The following YWHAE variants were observed in gnomAD, a reference collection of about 807,000 sequenced individuals.
YWHAE encodes 14-3-3 protein epsilon.
YWHAE carries 4 observed loss-of-function variants against 30.1 expected under a neutral mutation model. The ratio of observed to expected loss-of-function variants is 0.13; its 90% CI spans 0.07 to 0.30. YWHAE has a LOEUF of 0.30. YWHAE is among the 10% of genes least tolerant of loss of function. The pLI is 1.00. For missense variants in YWHAE, 121 were observed against 315.9 expected (o/e 0.38, Z 4.68); for synonymous variants, 118 against 111.8 (o/e 1.06, Z -0.35).
chr17:1,396,944 A>T (rs1297718155), intron 1 of YWHAE, among the ~76,000 whole-genome samples: 1 of 132,676 alleles, frequency 7.5e-6, no homozygotes, highest in East Asian at 2.2e-4. Context: ...TTTTGGAGAC[A>T]AGAGTCTCGC....
At chr17:1,354,390 A>G in intron 4 of YWHAE, 43 bp from the exon 5 acceptor site, 1 of 1,590,948 alleles carries the variant, frequency 6.3e-7, no homozygotes, top group Non-Finnish European at 8.6e-7. Flanking sequence ...TTAAGTCCAA[A>G]ATCAGAATTA....
At chr17:1,358,236 A>C (rs1012507183) in intron 4 of YWHAE, among the ~76,000 whole-genome samples, 1 of 151,864 alleles carries the variant, frequency 6.6e-6, no homozygotes, top group Non-Finnish European at 1.5e-5. Flanking sequence ...AAAACAAAAC[A>C]ACAAAAAAAA....
intron 1 of YWHAE, among the ~76,000 whole-genome samples, chr17:1,382,922 G>C (rs1372832222): frequency 1.3e-5 from 2 of 151,926 alleles, no homozygotes; most frequent in East Asian, 3.9e-4. Flanking sequence ...CTACTTGGGA[G>C]GCTGGGGAAG....
intron 1 of YWHAE, chr17:1,398,744 G>A (rs2073514802): frequency 6.6e-6 from 1 of 152,122 alleles, no homozygotes; most frequent in Non-Finnish European, 1.5e-5. Context: ...AGGTGGACTG[G>A]GAGAGAGGAT....
At chr17:1,382,928 G>A (rs1009596708) in intron 1 of YWHAE, among the ~76,000 whole-genome samples, 1 of 151,892 alleles carries the variant, frequency 6.6e-6, no homozygotes, top group African/African-American at 2.4e-5. Flanking sequence ...GGGAGGCTGG[G>A]GAAGGAGAAT....
At chr17:1,365,783 T>A (rs1002177961) in intron 1 of YWHAE, among the ~76,000 whole-genome samples, 1 of 152,188 alleles carries the variant, frequency 6.6e-6, no homozygotes, top group Non-Finnish European at 1.5e-5. Context: ...TCTCCAACAT[T>A]ACCCACGTTT....
intron 2 of YWHAE, among the ~76,000 whole-genome samples, chr17:1,363,959 C>A (rs2072903622): frequency 6.6e-6 from 1 of 152,168 alleles, no homozygotes; most frequent in African/African-American, 2.4e-5. Flanking sequence ...CCCCACCCCA[C>A]TAGATGCTAG....
In YWHAE at chr17:1,363,448, T is replaced by C. The variant is rs574972678; in HGVS notation, c.264+1411A>G. On this transcript the variant is annotated intron_variant, in intron 2 of 5. Transcript: ENST00000264335. ...GCCTGGCTAATTTTTGTATTTTTAG[T>C]GGAGACGGGGTTTCACCATGTCGGT... Among the ~76,000 whole-genome samples the C allele has an allele frequency of 3.3e-5, 5 of 152,142 alleles. No homozygotes were observed. In the South Asian group the frequency reaches 1.0e-3, roughly 32 times the overall value.
At chr17:1,354,865 T>A (rs2072701936) in intron 4 of YWHAE, among the ~76,000 whole-genome samples, 1 of 150,852 alleles carries the variant, frequency 6.6e-6, no homozygotes, top group African/African-American at 2.4e-5. Flanking sequence ...GGTTTCACCG[T>A]GTTAGCCAGG....
At chr17:1,351,341 G>A (rs1173071597) in intron 5 of YWHAE, among the ~76,000 whole-genome samples, 1 of 151,260 alleles carries the variant, frequency 6.6e-6, no homozygotes, top group Non-Finnish European at 1.5e-5. Flanking sequence ...GAGCACCACT[G>A]CACTCCAGCC....
At chr17:1,366,720 A>T (rs1336663350) in intron 1 of YWHAE, among the ~76,000 whole-genome samples, 1 of 152,122 alleles carries the variant, frequency 6.6e-6, no homozygotes, top group Non-Finnish European at 1.5e-5. Context: ...AGGTGGGTGG[A>T]TCGCCTGAGG....
intron 1 of YWHAE, among the ~76,000 whole-genome samples, chr17:1,368,259 T>C (rs2072976478): frequency 6.6e-6 from 1 of 151,870 alleles, no homozygotes; most frequent in Admixed American, 6.6e-5. Context: ...ATGCCTGTAA[T>C]CCCAGCTACT....
At chr17:1,351,662 C>A (rs1364404715) in intron 5 of YWHAE, among the ~76,000 whole-genome samples, 5 of 152,110 alleles carry the variant, frequency 3.3e-5, no homozygotes, top group African/African-American at 1.2e-4. Flanking sequence ...GATGGCATCT[C>A]GTTCAGTCAT....
intron 5 of YWHAE, among the ~76,000 whole-genome samples, chr17:1,347,171 CAA>C (rs11348283): frequency 0.35 from 44,549 of 125,508 alleles, 7,411 homozygotes; most frequent in African/African-American, 0.45. Context: ...ACTAAAAATA[CAA>C]AAAAAAAAAA....
At chr17:1,376,189 G>A (rs763640822) in intron 1 of YWHAE, among the ~76,000 whole-genome samples, 4 of 152,150 alleles carry the variant, frequency 2.6e-5, no homozygotes, top group Non-Finnish European at 5.9e-5. Context: ...GCATCTGTAC[G>A]AGGATCCTTT....
At chr17:1,353,827 T>C (rs796284712) in intron 5 of YWHAE, among the ~76,000 whole-genome samples, 5 of 150,490 alleles carry the variant, frequency 3.3e-5, no homozygotes, top group African/African-American at 9.7e-5. Context: ...CAGAGGGAAA[T>C]GGGAAACCAG....
intron 5 of YWHAE, 107 bp downstream of exon 5, chr17:1,354,104 A>C: frequency 7.2e-7 from 1 of 1,395,858 alleles, no homozygotes; most frequent in African/African-American, 1.4e-5. Context: ...GCAGGCGGTG[A>C]ATCTAAATTC....
chr17:1,378,447 A>G (rs1013265153), intron 1 of YWHAE, among the ~76,000 whole-genome samples: 3 of 152,254 alleles, frequency 2.0e-5, no homozygotes, highest in Non-Finnish European at 2.9e-5. Flanking sequence ...AAAGGTCCCA[A>G]TATCTTGCTA....
chr17:1,391,665 G>A (rs1477637683), intron 1 of YWHAE, among the ~76,000 whole-genome samples: 1 of 152,070 alleles, frequency 6.6e-6, no homozygotes, highest in African/African-American at 2.4e-5. Flanking sequence ...TCGTCAATTT[G>A]GATATATCAA....
Sources: allele counts gnomAD v4.1 joint callset (sites outside exome capture counted in the v4.1 genomes callset), GRCh38; gene constraint gnomAD v4.1.1; transcripts MANE v1.5; gene names NCBI Gene and HGNC (gene_info 2026-07-23, HGNC 2026-07-21).